Variants in KHSRP observed in about 807,000 individuals in gnomAD.
The protein encoded by KHSRP is KH-type splicing regulatory protein, also known as far upstream element-binding protein 2.
In KHSRP, 13 loss-of-function variants were observed where a neutral mutation model predicts 94.9. That is an observed-to-expected ratio of 0.14 (90% CI 0.09 to 0.22). The LOEUF is 0.22. KHSRP is among the 10% of genes least tolerant of loss of function. The pLI is 1.00. For synonymous variants in KHSRP, 495 were observed against 401.4 expected (o/e 1.23, Z -2.79); for missense variants, 710 against 1,010.0 (o/e 0.70, Z 4.03).
At position 6,417,104 on chromosome 19, in the gene KHSRP, G is replaced by C. The variant is rs201487902; in HGVS notation, c.1082-17C>G. 1 of 1,584,756 alleles carries C rather than the reference G, an allele frequency of 6.3e-7. No homozygotes were observed. On this transcript the variant is annotated splice_polypyrimidine_tract_variant and intron_variant, in intron 11 of 18. Coordinates refer to ENST00000600480, the MANE Select transcript of KHSRP (RefSeq NM_001366299.1). The stretch of plus-strand genomic sequence containing the variant: ...TCCCGTCATCTGAGGCCAGCACCGA[G>C]AGAGCAGAGACACAAGTTTAAAAGA...
chr19:6,416,030 A>AAGGCCTAGACAAG, intron 15 of KHSRP, 134 bp from the exon 16 acceptor site: 1 of 668,376 alleles, frequency 1.5e-6, no homozygotes, highest in South Asian at 2.0e-5. Flanking sequence ...GCGCCTGGGA[A>AAGGCCTAGACAAG]AGGCCTAGAC....
intron 1 of KHSRP, 79 bp from the exon 2 acceptor site, chr19:6,422,515 T>A (rs2092201329): frequency 1.9e-6 from 2 of 1,032,018 alleles, no homozygotes; most frequent in African/African-American, 1.6e-5. Context: ...TCTCAGAACA[T>A]CTCCTGGACA....
intron 15 of KHSRP, 84 bp downstream of exon 15, chr19:6,416,214 G>T: frequency 1.7e-6 from 2 of 1,176,388 alleles, no homozygotes; most frequent in Non-Finnish European, 2.4e-6. Context: ...TGCACTTCTA[G>T]GGAAAGGGAA....
At position 6,413,766 on chromosome 19, in the gene KHSRP, AAT is replaced by A. The variant is rs983506069; in HGVS notation, c.*1256_*1257del. The A allele has an allele frequency of 4.0e-5, 6 of 150,642 alleles. No homozygotes were observed. The highest frequency in any genetic ancestry group is 4.9e-5 in the African/African-American group (2 of 40,862). The allele number at this position is 150,642 out of a possible 1,614,324, so 9.3% of individuals were successfully genotyped here. ...GGGGGGTGAAGAATAGAGACTTTTT[AAT>A]ATATATATATATAATTTTATAAGTT... On this transcript the variant is annotated 3_prime_UTR_variant, in exon 19 of 19. Coordinates refer to ENST00000600480, the MANE Select transcript of KHSRP (RefSeq NM_001366299.1).
At position 6,422,448 on chromosome 19, in the gene KHSRP, T is replaced by C. The variant is rs985563935; in HGVS notation, c.250-12A>G. 7.5e-6 allele frequency: 12 copies of C among 1,600,678 alleles called. No homozygotes were observed. Among genetic ancestry groups the C allele is most frequent in the Non-Finnish European group, 1.0e-5 (12 of 1,168,586 alleles). The stretch of plus-strand genomic sequence containing the variant: ...ATTTTGGCTGCAATCTAGAATAAAG[T>C]AGTAAGCACAGAAGAATTACCACCA... On this transcript the variant is annotated splice_polypyrimidine_tract_variant and intron_variant, in intron 1 of 18. Transcript: ENST00000600480.
chr19:6,424,384 G>T, intron 1 of KHSRP, 69 bp downstream of exon 1: 2 of 829,660 alleles, frequency 2.4e-6, no homozygotes, highest in South Asian at 5.5e-5. Flanking sequence ...GCGCGCGCAC[G>T]TGACCCCCGC....
At position 6,415,763 on chromosome 19, in the gene KHSRP, G is replaced by A. The variant is rs1266847723; in HGVS notation, c.1688-29C>T. On this transcript the variant is annotated intron_variant, in intron 16 of 18. Coordinates refer to ENST00000600480, the MANE Select transcript of KHSRP (RefSeq NM_001366299.1). ...CAGGAGATACCTCGGGTGAGACGGG[G>A]GGACAGAACAGGGCCTGCCCTCCGC... 6 of 1,552,136 alleles carry A rather than the reference G, an allele frequency of 3.9e-6. No homozygotes were observed. In the Admixed American group the frequency reaches 9.8e-5, roughly 25 times the overall value.
In KHSRP at chr19:6,414,282, T is replaced by C; in HGVS notation, c.*742A>G. 1.3e-5 allele frequency: 19 copies of C among 1,415,954 alleles called. No individual in the cohort carries two copies. The highest frequency in any genetic ancestry group is 3.0e-5 in the Admixed American group (1 of 33,052). The allele number at this position is 1,415,954 out of a possible 1,614,324, so 87.7% of individuals were successfully genotyped here. A position where few individuals can be genotyped will look rare whatever the true frequency, so the allele number is the denominator to read the frequency against. ...TGGAAGGACGTGCTTGTTAACTGTC[T>C]AGCCAGGTGCTCGCGGGACTCGCTG... On this transcript the variant is annotated 3_prime_UTR_variant, in exon 19 of 19. Coordinates refer to ENST00000600480, the MANE Select transcript of KHSRP (RefSeq NM_001366299.1).
In KHSRP at chr19:6,416,841, C is replaced by G. The variant is rs367845189; in HGVS notation, c.1224G>C (p.Pro408=). The G allele has an allele frequency of 6.3e-7, 1 of 1,596,842 alleles. No individual in the cohort carries two copies. Among genetic ancestry groups the G allele is most frequent in the South Asian group, 1.1e-5 (1 of 89,298 alleles). The part of the protein sequence containing the change: ...PGPPGGPGMP[P]GGRGRGRGQG... ...GGCCTCTTCCTCGGCCTCGGCCCCC[C>G]GGGGGCATGCCTGGACCCCCTGGAG... Residue 408 remains proline, a synonymous_variant, in exon 13 of 19, where the codon CCG becomes CCC. Coordinates refer to ENST00000600480, the MANE Select transcript of KHSRP (RefSeq NM_001366299.1).
rs1240934699 is a variant in KHSRP, at chr19:6,418,996, G to A, written c.606-120C>T. The A allele has an allele frequency of 1.2e-5, 15 of 1,208,092 alleles. No individual in the cohort carries two copies. The highest frequency in any genetic ancestry group is 3.2e-5 in the South Asian group (2 of 62,900). The allele number at this position is 1,208,092 out of a possible 1,614,324, so 74.8% of individuals were successfully genotyped here. On this transcript the variant is annotated intron_variant, in intron 7 of 18. Coordinates refer to ENST00000600480, the MANE Select transcript of KHSRP (RefSeq NM_001366299.1). This position sits in a 1 kb window ranked among gnomAD's most constrained non-coding sequence, Gnocchi z 4.3. ...GAGTGTGCAAGGATGACAGGGAAGA[G>A]GGGCCAGTCACAGGGGCTGTTCAGG...
In KHSRP at chr19:6,413,806, TTG is replaced by T. The variant is rs2092118838; in HGVS notation, c.*1216_*1217del. On this transcript the variant is annotated 3_prime_UTR_variant, in exon 19 of 19. Coordinates refer to ENST00000600480, the MANE Select transcript of KHSRP (RefSeq NM_001366299.1). Reference sequence around the variant, plus strand: ...AATTTTATAAGTTCTGCTTTGCTCTTTGTGTTTTTAATTTTTAAGTTTTTTTT... The same window carrying T: ...AATTTTATAAGTTCTGCTTTGCTCTTTGTTTTTAATTTTTAAGTTTTTTTT... 1 of 168,980 alleles carries T rather than the reference TTG, an allele frequency of 5.9e-6. No individual in the cohort carries two copies. The highest frequency in any genetic ancestry group is 2.5e-5 in the African/African-American group (1 of 40,338). 10.5% of individuals were successfully genotyped at this position (168,980 alleles called of 1,614,324 possible). A position where few individuals can be genotyped will look rare whatever the true frequency, so the allele number is the denominator to read the frequency against.
intron 17 of KHSRP, 29 bp from the exon 18 acceptor site, chr19:6,415,486 C>T: frequency 1.3e-6 from 2 of 1,550,930 alleles, no homozygotes; most frequent in South Asian, 2.4e-5. Context: ...AGGTCAGAAA[C>T]CACTCCCCCG....
chr19:6,424,382 AC>A (rs2092218469), intron 1 of KHSRP, 70 bp downstream of exon 1: 1 of 738,092 alleles, frequency 1.4e-6, no homozygotes, highest in South Asian at 6.1e-5. Context: ...GCGCGCGCGC[AC>A]GTGACCCCCG....
At position 6,424,444 on chromosome 19, in the gene KHSRP, C is replaced by T. The variant is rs1465649312; in HGVS notation, c.249+9G>A. The stretch of plus-strand genomic sequence containing the variant: ...GCGAGCGCGCCCCTCAGGCCCTCGG[C>T]CTCCTCACCTGGCGGGCCCGCTGCA... On this transcript the variant is annotated intron_variant, in intron 1 of 18. Coordinates refer to ENST00000600480, the MANE Select transcript of KHSRP (RefSeq NM_001366299.1). 2.0e-6 allele frequency: 2 copies of T among 990,980 alleles called. No individual in the cohort carries two copies. The highest frequency in any genetic ancestry group is 1.8e-5 in the African/African-American group (1 of 56,780). The allele number at this position is 990,980 out of a possible 1,614,324, so 61.4% of individuals were successfully genotyped here. A position where few individuals can be genotyped will look rare whatever the true frequency, so the allele number is the denominator to read the frequency against.
intron 6 of KHSRP, 101 bp downstream of exon 6, chr19:6,419,972 C>T (rs2092185320): frequency 4.5e-6 from 4 of 896,138 alleles, no homozygotes; most frequent in African/African-American, 1.7e-5. Flanking sequence ...AGCGCCAGCT[C>T]GCTTCCTGTC....
intron 1 of KHSRP, among the ~76,000 whole-genome samples, chr19:6,423,183 G>A (rs2092205666): frequency 6.6e-6 from 1 of 152,182 alleles, no homozygotes; most frequent in Admixed American, 6.5e-5. Flanking sequence ...GGAGGCTGAG[G>A]CAGGAGGAGC....
chr19:6,421,403 G>C, intron 3 of KHSRP, 86 bp from the exon 4 acceptor site: 2 of 1,387,496 alleles, frequency 1.4e-6, no homozygotes, highest in Non-Finnish European at 2.0e-6. Flanking sequence ...TGGGAGCTGA[G>C]CCCGGCACCA....
chr19:6,420,074 T>C lies in KHSRP; in HGVS notation c.546A>G (p.Pro182=). Residue 182 remains proline (P), a splice_region_variant and synonymous_variant, in exon 6 of 19, where the codon CCA becomes CCG. Coordinates refer to ENST00000600480, the MANE Select transcript of KHSRP (RefSeq NM_001366299.1). The part of the protein sequence containing the change: ...QDSGCKVQIS[P]DSGGLPERSV... ...GGCAGGAACCTGACGCTCTTATACC[T>C]GGAGAAATCTGTACTTTGCAGCCTG... 6.2e-7 allele frequency: 1 copy of C among 1,611,986 alleles called. No individual in the cohort carries two copies. The highest frequency in any genetic ancestry group is 8.5e-7 in the Non-Finnish European group (1 of 1,178,136).
chr19:6,416,931 G>T, intron 12 of KHSRP, 49 bp from the exon 13 acceptor site: 2 of 1,613,130 alleles, frequency 1.2e-6, no homozygotes, highest in Non-Finnish European at 1.7e-6. Flanking sequence ...AAGCCGGTCT[G>T]GTCTTGCACT....
Sources: gnomAD v4.1 joint callset for allele counts (sites outside exome capture counted in the v4.1 genomes callset) on GRCh38, gnomAD v4.1.1 for gene constraint, Gnocchi (gnomAD v3.1) non-coding constraint, MANE v1.5 for transcripts, NCBI Gene and HGNC (gene_info 2026-07-23, HGNC 2026-07-21) for gene names.